The following LOC128125817 variants were observed in gnomAD, a reference collection of about 807,000 sequenced individuals.
chr1:41,589,003 G>A, the LOC128125817 span, among the ~76,000 whole-genome samples: 4 of 152,202 alleles, frequency 2.6e-5, no homozygotes, highest in Admixed American at 2.6e-4. Flanking sequence ...AATGTGGTGC[G>A]GCATAAACCG....
At chr1:41,588,434 G>A in the LOC128125817 span, among the ~76,000 whole-genome samples, 1 of 152,126 alleles carries the variant, frequency 6.6e-6, no homozygotes, top group African/African-American at 2.4e-5. Context: ...GCTTAGTCCT[G>A]CCTTCTCCCC....
chr1:41,591,271 C>T, the LOC128125817 span, among the ~76,000 whole-genome samples: 5 of 152,106 alleles, frequency 3.3e-5, no homozygotes, highest in Non-Finnish European at 5.9e-5. Context: ...AGGTTGAATT[C>T]GGAGGTCAAA....
the LOC128125817 span, among the ~76,000 whole-genome samples, chr1:41,603,769 A>G: frequency 6.6e-6 from 1 of 152,344 alleles, no homozygotes; most frequent in African/African-American, 2.4e-5. Flanking sequence ...AGAAAAATCC[A>G]TGTGTGCTTG....
chr1:41,593,785 C>T, the LOC128125817 span, among the ~76,000 whole-genome samples: 1 of 152,252 alleles, frequency 6.6e-6, no homozygotes, highest in Non-Finnish European at 1.5e-5. Context: ...AATTTACTAT[C>T]TTATAGTTCG....
chr1:41,625,026 G>A, the LOC128125817 span, among the ~76,000 whole-genome samples: 38 of 152,126 alleles, frequency 2.5e-4, 1 homozygote, highest in African/African-American at 8.9e-4. Context: ...TAGCTGGTGT[G>A]GTGGCATGCG....
the LOC128125817 span, among the ~76,000 whole-genome samples, chr1:41,597,527 G>A: frequency 6.6e-6 from 1 of 152,090 alleles, no homozygotes; most frequent in Non-Finnish European, 1.5e-5. Context: ...CCTTCAGGCG[G>A]GTACTATTAT....
the LOC128125817 span, among the ~76,000 whole-genome samples, chr1:41,599,958 G>A: frequency 3.9e-5 from 6 of 152,224 alleles, no homozygotes; most frequent in East Asian, 1.9e-4. Flanking sequence ...CAAGAAGCAC[G>A]TGAAAAGATG....
At chr1:41,607,135 C>G in the LOC128125817 span, among the ~76,000 whole-genome samples, 1 of 152,048 alleles carries the variant, frequency 6.6e-6, no homozygotes, top group Non-Finnish European at 1.5e-5. Context: ...GTGTATTTCT[C>G]AACTGAGAGG....
At chr1:41,585,677 A>G in the LOC128125817 span, among the ~76,000 whole-genome samples, 1 of 152,064 alleles carries the variant, frequency 6.6e-6, no homozygotes, top group Non-Finnish European at 1.5e-5. Flanking sequence ...ATCCACTCTG[A>G]GTGGGTCTAA....
the LOC128125817 span, among the ~76,000 whole-genome samples, chr1:41,600,533 TG>T: frequency 1.3e-5 from 2 of 152,168 alleles, no homozygotes; most frequent in Non-Finnish European, 2.9e-5. Context: ...GAAAGTCAAC[TG>T]GTGGTTGCCA....
the LOC128125817 span, among the ~76,000 whole-genome samples, chr1:41,603,312 C>A: frequency 6.6e-6 from 1 of 151,414 alleles, no homozygotes; most frequent in Admixed American, 6.6e-5. Context: ...AGGTGATCCA[C>A]CCACCTCGGC....
chr1:41,593,824 C>T, the LOC128125817 span, among the ~76,000 whole-genome samples: 6 of 152,226 alleles, frequency 3.9e-5, no homozygotes, highest in South Asian at 1.2e-3. Context: ...ATAGGTCTCA[C>T]TCGGCTAAAA....
At chr1:41,607,847 G>A in the LOC128125817 span, among the ~76,000 whole-genome samples, 5 of 152,236 alleles carry the variant, frequency 3.3e-5, no homozygotes, top group East Asian at 1.9e-4. Context: ...TGGCTTCACC[G>A]TGTGGACATC....
chr1:41,596,951 C>A, the LOC128125817 span, among the ~76,000 whole-genome samples: 4 of 152,166 alleles, frequency 2.6e-5, no homozygotes, highest in Non-Finnish European at 4.4e-5. Flanking sequence ...CCATGTTAAC[C>A]TTAGGGCTGA....
At chr1:41,608,377 T>A in the LOC128125817 span, among the ~76,000 whole-genome samples, 1 of 152,200 alleles carries the variant, frequency 6.6e-6, no homozygotes, top group East Asian at 1.9e-4. Flanking sequence ...CCACATCCAG[T>A]CTGCTAGAGA....
chr1:41,623,891 T>A, the LOC128125817 span, among the ~76,000 whole-genome samples: 1 of 68,238 alleles, frequency 1.5e-5, no homozygotes, highest in African/African-American at 1.1e-4. Context: ...AGAGGCTCTC[T>A]GCATGCCGAT....
the LOC128125817 span, among the ~76,000 whole-genome samples, chr1:41,591,381 C>A: frequency 1.3e-5 from 2 of 152,226 alleles, no homozygotes; most frequent in Admixed American, 1.3e-4. Context: ...TTGAGTTGGG[C>A]AGAGCCTTGG....
At chr1:41,605,326 C>G in the LOC128125817 span, among the ~76,000 whole-genome samples, 1 of 150,940 alleles carries the variant, frequency 6.6e-6, no homozygotes. Context: ...TACAATTGTT[C>G]CACATCTTGA....
the LOC128125817 span, among the ~76,000 whole-genome samples, chr1:41,600,873 C>A: frequency 6.6e-6 from 1 of 152,082 alleles, no homozygotes; most frequent in African/African-American, 2.4e-5. Context: ...GGTTTTACAT[C>A]CAAGTCTTTA....
Sources: allele counts gnomAD v4.1 joint callset (sites outside exome capture counted in the v4.1 genomes callset), GRCh38; gene constraint gnomAD v4.1.1; transcripts MANE v1.5.